ASCL1: variants seen among roughly 807,000 people sequenced by gnomAD.
ASCL1 encodes the protein achaete-scute family bHLH transcription factor 1.
A neutral mutation model predicts 16.1 loss-of-function variants in ASCL1; 2 were observed. The observed-to-expected ratio is 0.12, with a 90% CI of 0.05 to 0.39. The LOEUF (loss-of-function observed/expected upper bound fraction) is 0.39. ASCL1 is among the 10% of genes least tolerant of loss of function. ASCL1 has a pLI of 0.99. For synonymous variants in ASCL1, 165 were observed against 155.7 expected, an observed-to-expected ratio of 1.06 and a Z score of -0.45; for missense variants, 276 against 336.9, an observed-to-expected ratio of 0.82 and a Z score of 1.41.
In ASCL1 at chr12:102,958,042, T is replaced by G; in HGVS notation, c.-203T>G. 2.5e-6 allele frequency: 1 copy of G among 403,722 alleles called. No individual in the cohort carries two copies. The highest frequency in any genetic ancestry group is 4.3e-6 in the Non-Finnish European group (1 of 233,580). The allele number at this position is 403,722 out of a possible 1,614,324, so 25.0% of individuals were successfully genotyped here. The stretch of plus-strand genomic sequence containing the variant: ...GGCGTGCAGGGAGGAGAAAAAGCAT[T>G]TTCACTTTTTTTGCTCCCACTCTAA... On this transcript the variant is annotated 5_prime_UTR_variant, in exon 1 of 2. The change creates a new upstream start codon in the 5' untranslated region. Transcript: ENST00000266744.
At position 102,958,317 on chromosome 12, in the gene ASCL1, C is replaced by T; in HGVS notation, c.73C>T (p.Leu25=). 1.4e-6 allele frequency: 2 copies of T among 1,476,458 alleles called. No homozygotes were observed. Among genetic ancestry groups the T allele is most frequent in the Non-Finnish European group, 1.8e-6 (2 of 1,119,222 alleles). The allele number at this position is 1,476,458 out of a possible 1,614,324, so 91.5% of individuals were successfully genotyped here. A position where few individuals can be genotyped will look rare whatever the true frequency, so the allele number is the denominator to read the frequency against. Reference sequence around the variant, plus strand: ...CCAGCCGCAGCCCCAGCAGCCCTTCCTGCCGCCCGCAGCCTGTTTCTTTGC... The same window carrying T: ...CCAGCCGCAGCCCCAGCAGCCCTTCTTGCCGCCCGCAGCCTGTTTCTTTGC... ...QPQPQPQQPF[L]PPAACFFATA... Residue 25 remains leucine (L), a synonymous_variant, in exon 1 of 2, where the codon CTG becomes TTG. Transcript: ENST00000266744.
chr12:102,958,177 C>CCCTCGCGGGCCCCGCA lies in ASCL1; in HGVS notation c.-60_-45dup. ...CTGCACCCAAGTTCTCTCTGTGTCC[C>CCCTCGCGGGCCCCGCA]CCTCGCGGGCCCCGCACCTCGCGTC... On this transcript the variant is annotated 5_prime_UTR_variant, in exon 1 of 2. Transcript: ENST00000266744. 7.9e-7 allele frequency: 1 copy of CCCTCGCGGGCCCCGCA among 1,260,380 alleles called. No individual in the cohort carries two copies. Among genetic ancestry groups the CCCTCGCGGGCCCCGCA allele is most frequent in the Non-Finnish European group, 1.0e-6 (1 of 964,254 alleles). The allele number at this position is 1,260,380 out of a possible 1,614,324, so 78.1% of individuals were successfully genotyped here.
Position 102,958,575 on chromosome 12 carries a change from A to G in ASCL1, c.331A>G (p.Ser111Gly). ...GCTCAACTTCAGCGGCTTTGGCTAC[A>G]GCCTGCCGCAGCAGCAGCCGGCCGC... ...RRLNFSGFGY[S>G]LPQQQPAAVA... is the part of the protein sequence containing the mutation. The change falls in exon 1 of 2, where the codon AGC becomes GGC. Residue 111 changes from serine (S) to glycine (G), a missense_variant. Transcript: ENST00000266744. 1 of 1,609,478 alleles carries G rather than the reference A, an allele frequency of 6.2e-7. No homozygotes were observed. The highest frequency in any genetic ancestry group is 8.5e-7 in the Non-Finnish European group (1 of 1,178,402).
In ASCL1 at chr12:102,958,199, C is replaced by G. The variant is rs1203048121; in HGVS notation, c.-46C>G. ...TCCCCCTCGCGGGCCCCGCACCTCG[C>G]GTCCCGGATCGCTCTGATTCCGCGA... On this transcript the variant is annotated 5_prime_UTR_variant, in exon 1 of 2. Transcript: ENST00000266744. 1.4e-5 allele frequency: 20 copies of G among 1,403,540 alleles called. No individual in the cohort carries two copies. The highest frequency in any genetic ancestry group is 1.8e-5 in the Non-Finnish European group (19 of 1,077,092). The allele number at this position is 1,403,540 out of a possible 1,614,324, so 86.9% of individuals were successfully genotyped here.
At position 102,958,889 on chromosome 12, in the gene ASCL1, C is replaced by T. The variant is rs765533945; in HGVS notation, c.645C>T (p.Asp215=). Residue 215 remains aspartate, a synonymous_variant, in exon 1 of 2, where the codon GAC becomes GAT. Transcript: ENST00000266744. The part of the protein sequence containing the change: ...AGSPVSSYSS[D]EGSYDPLSPE... ...CGCCGGTCTCATCCTACTCGTCGGA[C>T]GAGGGCTCTTACGACCCGCTCAGCC... The T allele has an allele frequency of 1.7e-5, 27 of 1,613,836 alleles. No individual in the cohort carries two copies. Among genetic ancestry groups the T allele is most frequent in the Non-Finnish European group, 2.2e-5 (26 of 1,180,028 alleles).
Position 102,958,432 on chromosome 12 carries a change from C to A in ASCL1, c.188C>A (p.Ala63Glu), listed in dbSNP as rs780210071. The stretch of plus-strand genomic sequence containing the variant: ...CAGCAGCAGCAGCAGCAGCAGCAGG[C>A]GCCGCAGCTGAGACCGGCGGCCGAC... ...QQQQQQQQQQ[A>E]PQLRPAADGQ... The change falls in exon 1 of 2, where the codon GCG (alanine) becomes GAG (glutamate). Residue 63 changes from alanine (A) to glutamate (E), a missense_variant. Ala to Glu is a moderately radical substitution (Grantham distance 107). This residue lies in a region of ASCL1 where 178 missense variants were observed against 167.0 expected (regional missense o/e 1.07). Transcript: ENST00000266744. The A allele has an allele frequency of 9.3e-6, 14 of 1,509,470 alleles. No homozygotes were observed. The East Asian group carries it at 2.6e-4, about 28-fold the overall frequency. The allele number at this position is 1,509,470 out of a possible 1,614,324, so 93.5% of individuals were successfully genotyped here. A position where few individuals can be genotyped will look rare whatever the true frequency, so the allele number is the denominator to read the frequency against.
At position 102,959,509 on chromosome 12, in the gene ASCL1, G is replaced by C. The variant is rs148067996; in HGVS notation, c.*195G>C. ...CAACCAACCCCATCGCCAACTAAGC[G>C]AGGCATGCCTGAGAGACATGGCTTT... On this transcript the variant is annotated 3_prime_UTR_variant, in exon 2 of 2. Coordinates refer to ENST00000266744, the MANE Select transcript of ASCL1 (RefSeq NM_004316.4). 1 of 154,974 alleles carries C rather than the reference G, an allele frequency of 6.5e-6. No individual in the cohort carries two copies. Among genetic ancestry groups the C allele is most frequent in the African/African-American group, 2.4e-5 (1 of 41,578 alleles). The allele number at this position is 154,974 out of a possible 1,614,324, so 9.6% of individuals were successfully genotyped here.
chr12:102,958,352 AGCCGCGGCGGCCGCAGCC>A lies in ASCL1; in HGVS notation c.114_131del (p.Ala42_Ala47del), dbSNP rs778842860. 8 of 1,430,608 alleles carry A rather than the reference AGCCGCGGCGGCCGCAGCC, an allele frequency of 5.6e-6. No homozygotes were observed. The highest frequency in any genetic ancestry group is 4.7e-5 in the African/African-American group (3 of 64,318). 88.6% of individuals were successfully genotyped at this position (1,430,608 alleles called of 1,614,324 possible). On this transcript the variant is annotated inframe_deletion, in exon 1 of 2. Transcript: ENST00000266744. ...CAGCCTGTTTCTTTGCCACGGCCGCAGCCGCGGCGGCCGCAGCCGCCGCAGCGGCAGCGCAGAGCGCGC... is the reference window on the plus strand; with the variant it reads ...CAGCCTGTTTCTTTGCCACGGCCGCAGCCGCAGCGGCAGCGCAGAGCGCGC...
chr12:102,960,335 C>G lies in ASCL1; in HGVS notation c.*1021C>G, dbSNP rs1348146053. 1 of 152,646 alleles carries G rather than the reference C, an allele frequency of 6.6e-6. No individual in the cohort carries two copies. The highest frequency in any genetic ancestry group is 1.5e-5 in the Non-Finnish European group (1 of 68,028). The allele number at this position is 152,646 out of a possible 1,614,324, so 9.5% of individuals were successfully genotyped here. On this transcript the variant is annotated 3_prime_UTR_variant, in exon 2 of 2. Transcript: ENST00000266744. ...CTGTTCAAGAAGAACAAAGTTTATG[C>G]AGCTACTGTCCAAACTCAAAGTGGC...
rs3832799 is a variant in ASCL1, at chr12:102,958,393, CGCAGCAGCAGCAGCAGCAGCAGCA to C, written c.163_186del (p.Gln55_Gln62del). 4.9e-4 allele frequency: 739 copies of C among 1,507,148 alleles called. No individual in the cohort carries two copies. Among genetic ancestry groups the C allele is most frequent in the Admixed American group, 7.6e-4 (37 of 48,840 alleles). 93.4% of individuals were successfully genotyped at this position (1,507,148 alleles called of 1,614,324 possible). ...GCCGCCGCAGCGGCAGCGCAGAGCG[CGCAGCAGCAGCAGCAGCAGCAGCA>C]GCAGCAGCAGCAGGCGCCGCAGCTG... On this transcript the variant is annotated inframe_deletion, in exon 1 of 2. Transcript: ENST00000266744.
At chr12:102,959,032 G>T (rs946838143) in intron 1 of ASCL1, 30 bp downstream of exon 1, 6 of 1,596,924 alleles carry the variant, frequency 3.8e-6, no homozygotes, top group South Asian at 2.2e-5. Context: ...GGGCAGGGGG[G>T]TATTCTTGCC....
rs940009397 is a variant in ASCL1 at position 102,958,641 on chromosome 12, T to G, written c.397T>G (p.Leu133Val). 11 of 1,613,578 alleles carry G rather than the reference T, an allele frequency of 6.8e-6. No homozygotes were observed. Among genetic ancestry groups the G allele is most frequent in the Non-Finnish European group, 8.5e-6 (10 of 1,179,896 alleles). The change falls in exon 1 of 2, where the codon TTG (leucine) becomes GTG (valine). Residue 133 changes from leucine to valine, a missense_variant. By Grantham distance (32) the Leu-to-Val change is conservative (BLOSUM62 1). This residue lies in a region of ASCL1 where 30 missense variants were observed against 83.2 expected (regional missense o/e 0.36). Coordinates refer to ENST00000266744, the MANE Select transcript of ASCL1 (RefSeq NM_004316.4). ...RNERERNRVK[L>V]VNLGFATLRE... ...CGAGCGCGAGCGCAACCGCGTCAAG[T>G]TGGTCAACCTGGGCTTTGCCACCCT...
Position 102,958,679 on chromosome 12 carries a change from C to T in ASCL1, c.435C>T (p.Val145=), listed in dbSNP as rs746680272. The T allele has an allele frequency of 1.2e-6, 2 of 1,614,058 alleles. No individual in the cohort carries two copies. The highest frequency in any genetic ancestry group is 2.2e-5 in the East Asian group (1 of 44,878). Residue 145 remains valine, a synonymous_variant, in exon 1 of 2, where the codon GTC becomes GTT. Coordinates refer to ENST00000266744, the MANE Select transcript of ASCL1 (RefSeq NM_004316.4). The part of the protein sequence containing the change: ...NLGFATLREH[V]PNGAANKKMS... Reference sequence around the variant, plus strand: ...GCTTTGCCACCCTTCGGGAGCACGTCCCCAACGGCGCGGCCAACAAGAAGA... The same window carrying T: ...GCTTTGCCACCCTTCGGGAGCACGTTCCCAACGGCGCGGCCAACAAGAAGA...
chr12:102,958,751 G>T lies in ASCL1; in HGVS notation c.507G>T (p.Ala169=), dbSNP rs1880022748. The change falls in exon 1 of 2, where the codon GCG becomes GCT. Residue 169 remains alanine (A), a synonymous_variant. Transcript: ENST00000266744. ...TLRSAVEYIR[A]LQQLLDEHDA... ...GCTCGGCGGTCGAGTACATCCGCGC[G>T]CTGCAGCAGCTGCTGGACGAGCATG... 2 of 1,613,992 alleles carry T rather than the reference G, an allele frequency of 1.2e-6. No individual in the cohort carries two copies. Among genetic ancestry groups the T allele is most frequent in the Admixed American group, 3.3e-5 (2 of 60,012 alleles).
intron 1 of ASCL1, 90 bp downstream of exon 1, chr12:102,959,092 T>A: frequency 7.5e-7 from 1 of 1,326,970 alleles, no homozygotes; most frequent in Non-Finnish European, 1.0e-6. Flanking sequence ...TCCAAGGAGA[T>A]AAGGGGATTT....
At position 102,958,945 on chromosome 12, in the gene ASCL1, A is replaced by C; in HGVS notation, c.701A>C (p.Asn234Thr). Residue 234 changes from asparagine to threonine, a missense_variant, in exon 1 of 2, where the codon AAC (asparagine) becomes ACC (threonine). Transcript: ENST00000266744. ...GAGCAGGAGCTTCTCGACTTCACCA[A>C]CTGGTTCTGAGGGGCTCGGCCTGGT... ...PEEQELLDFT[N>T]WF 2 of 1,613,552 alleles carry C rather than the reference A, an allele frequency of 1.2e-6. No homozygotes were observed. Among genetic ancestry groups the C allele is most frequent in the South Asian group, 1.1e-5 (1 of 91,074 alleles).
At position 102,958,429 on chromosome 12, in the gene ASCL1, A is replaced by AGCAGCAGCG; in HGVS notation, c.186_187insCAGCAGCGG (p.Gln62_Ala63insGlnGlnArg). On this transcript the variant is annotated inframe_insertion, in exon 1 of 2. Transcript: ENST00000266744. ...CAGCAGCAGCAGCAGCAGCAGCAGC[A>AGCAGCAGCG]GGCGCCGCAGCTGAGACCGGCGGCC... 6.5e-7 allele frequency: 1 copy of AGCAGCAGCG among 1,548,802 alleles called. No individual in the cohort carries two copies. Among genetic ancestry groups the AGCAGCAGCG allele is most frequent in the East Asian group, 2.5e-5 (1 of 40,658 alleles).
In ASCL1 at chr12:102,957,701, C is replaced by G. The variant is rs1422417623; in HGVS notation, c.-544C>G. 1 of 152,520 alleles carries G rather than the reference C, an allele frequency of 6.6e-6. No individual in the cohort carries two copies. The highest frequency in any genetic ancestry group is 1.5e-5 in the Non-Finnish European group (1 of 68,234). 9.4% of individuals were successfully genotyped at this position (152,520 alleles called of 1,614,324 possible). ...CACTCTCTCACTTCTGGCCAGGGAA[C>G]GTGGAAGGCGCACCGACAGGGATCC... On this transcript the variant is annotated 5_prime_UTR_variant, in exon 1 of 2. Transcript: ENST00000266744. This position sits in a 1 kb window ranked among gnomAD's most constrained non-coding sequence, Gnocchi z 4.1.
At position 102,960,022 on chromosome 12, in the gene ASCL1, G is replaced by A. The variant is rs774644837; in HGVS notation, c.*708G>A. 1 of 152,252 alleles carries A rather than the reference G, an allele frequency of 6.6e-6. No homozygotes were observed. Among genetic ancestry groups the A allele is most frequent in the African/African-American group, 2.4e-5 (1 of 41,256 alleles). The allele number at this position is 152,252 out of a possible 1,614,324, so 9.4% of individuals were successfully genotyped here. A position where few individuals can be genotyped will look rare whatever the true frequency, so the allele number is the denominator to read the frequency against. On this transcript the variant is annotated 3_prime_UTR_variant, in exon 2 of 2. Coordinates refer to ENST00000266744, the MANE Select transcript of ASCL1 (RefSeq NM_004316.4). ...TATTTGTATCTATCCTAACCAGTTC[G>A]GGGATATATTAAGATATTTTTGTAC...
Sources: gnomAD v4.1 joint callset for allele counts on GRCh38, gnomAD v4.1.1 for gene constraint, gnomAD v4.1.1 regional missense constraint, Gnocchi (gnomAD v3.1) non-coding constraint, MANE v1.5 for transcripts, NCBI Gene and HGNC (gene_info 2026-07-23, HGNC 2026-07-21) for gene names.